SAMSN1: variants seen among roughly 807,000 people sequenced by gnomAD.
SAMSN1 encodes the protein SAM domain-containing protein SAMSN-1.
A neutral mutation model predicts 42.0 loss-of-function variants in SAMSN1; 31 were observed. The observed-to-expected ratio is 0.74, with a 90% confidence interval of 0.55 to 1.00. The LOEUF is 1.00. Ranked by LOEUF, SAMSN1 falls within the 50% of genes least tolerant of loss-of-function variation. The pLI is 0.00. For missense variants in SAMSN1, 464 were observed against 439.4 expected, an observed-to-expected ratio of 1.06 and a Z score of -0.50; for synonymous variants, 178 against 151.9, an observed-to-expected ratio of 1.17 and a Z score of -1.26.
rs376025174 is a variant in SAMSN1, at chr21:14,486,109, G to C, written c.925C>G (p.Gln309Glu). 6.2e-7 allele frequency: 1 copy of C among 1,611,808 alleles called. No homozygotes were observed. The highest frequency in any genetic ancestry group is 8.5e-7 in the Non-Finnish European group (1 of 1,178,504). ...AENFLEEEIIQEQENEPEPLS... is the reference protein window; with the variant it reads ...AENFLEEEIIEEQENEPEPLS... ...GGCTCAGGTTCATTTTCTTGCTCTT[G>C]AATAACTGTAAATGGAAAAAAAGGG... The change falls in exon 8 of 8, where the codon CAA (glutamine) becomes GAA (glutamate). Residue 309 changes from glutamine to glutamate, a missense_variant. Gln to Glu is a conservative substitution (Grantham distance 29). Transcript: ENST00000400566.
At chr21:14,605,146 G>T (rs1982533660) in intron 5 of SAMSN1, among the ~76,000 whole-genome samples, 1 of 152,182 alleles carries the variant, frequency 6.6e-6, no homozygotes, top group Non-Finnish European at 1.5e-5. Flanking sequence ...TCAGCTTTTA[G>T]GTTATTCTAG....
intron 2 of SAMSN1, among the ~76,000 whole-genome samples, chr21:14,624,347 T>C (rs1321335846): frequency 1.3e-5 from 2 of 152,108 alleles, no homozygotes; most frequent in Non-Finnish European, 2.9e-5. Context: ...AGCTGTTTTT[T>C]TGAAAAGATC....
At chr21:14,525,729 T>C (rs889928331) in intron 1 of SAMSN1, among the ~76,000 whole-genome samples, 1 of 152,196 alleles carries the variant, frequency 6.6e-6, no homozygotes, top group Non-Finnish European at 1.5e-5. Flanking sequence ...GGTGGCTATA[T>C]GGGGGTAGAT....
chr21:14,607,899 T>C (rs1302587200), intron 5 of SAMSN1, among the ~76,000 whole-genome samples: 2 of 152,204 alleles, frequency 1.3e-5, no homozygotes, highest in Non-Finnish European at 2.9e-5. Context: ...CATGTGCTTA[T>C]AGAAGGATTA....
chr21:14,588,298 T>C (rs900942307), upstream of SAMSN1, among the ~76,000 whole-genome samples: 2 of 118,182 alleles, frequency 1.7e-5, no homozygotes, highest in African/African-American at 5.6e-5. Flanking sequence ...TATTTCTAGT[T>C]CTAGATCCCT....
chr21:14,542,155 G>A (rs967782368), intron 1 of SAMSN1, among the ~76,000 whole-genome samples: 3 of 152,150 alleles, frequency 2.0e-5, no homozygotes, highest in South Asian at 4.1e-4. Context: ...ACTTACAGAC[G>A]CTCTTACAGA....
rs774206433 is a variant in SAMSN1 at position 14,500,664 on chromosome 21, C to T, written c.633G>A (p.Val211=). The change falls in exon 6 of 8, where the codon GTG becomes GTA. Residue 211 remains valine (V), a synonymous_variant. Transcript: ENST00000400566. ...GMWTGMLNNK[V]GNFKFIYVDV... ...CCACATAAATGAATTTGAAGTTTCC[C>T]ACTTTATTGTTCAACATTCCTGTCC... is the stretch of plus-strand genomic sequence containing the variant. 9.3e-6 allele frequency: 15 copies of T among 1,613,936 alleles called. No homozygotes were observed. The Admixed American group carries it at 2.2e-4, about 23-fold the overall frequency.
intron 1 of SAMSN1, among the ~76,000 whole-genome samples, chr21:14,647,262 T>C (rs1983733343): frequency 6.6e-6 from 1 of 152,082 alleles, no homozygotes; most frequent in Admixed American, 6.6e-5. Context: ...CCATTGCTTG[T>C]TTTTCTCAGG....
chr21:14,649,780 C>CACAT (rs748321866), intron 1 of SAMSN1, among the ~76,000 whole-genome samples: 3,162 of 146,870 alleles, frequency 0.022, 71 homozygotes, highest in African/African-American at 0.057. Context: ...AAAACACACA[C>CACAT]ACACACACAC....
intron 2 of SAMSN1, among the ~76,000 whole-genome samples, chr21:14,569,507 T>A (rs1981224424): frequency 6.6e-6 from 1 of 152,156 alleles, no homozygotes; most frequent in African/African-American, 2.4e-5. Flanking sequence ...CATCTGCTTT[T>A]TTGATAGATT....
chr21:14,516,856 G>C (rs760681516), intron 3 of SAMSN1, 36 bp downstream of exon 3: 1 of 1,548,344 alleles, frequency 6.5e-7, no homozygotes. Context: ...GAAAGTTTTA[G>C]TAGAAAAATA....
intron 4 of SAMSN1, among the ~76,000 whole-genome samples, chr21:14,512,113 T>C (rs1041217585): frequency 6.6e-6 from 1 of 152,120 alleles, no homozygotes; most frequent in Non-Finnish European, 1.5e-5. Flanking sequence ...CATTTTGAAA[T>C]ATGTTGACTC....
intron 3 of SAMSN1, among the ~76,000 whole-genome samples, chr21:14,614,414 T>C (rs1982780980): frequency 6.6e-6 from 1 of 152,128 alleles, no homozygotes. Context: ...AACAAAATGT[T>C]TTGAAACAGA....
At chr21:14,624,878 A>G (rs1043027426) in intron 2 of SAMSN1, among the ~76,000 whole-genome samples, 6 of 152,226 alleles carry the variant, frequency 3.9e-5, no homozygotes, top group Admixed American at 6.5e-5. Flanking sequence ...AAAATCCTCA[A>G]TAAAATAGTG....
chr21:14,516,920 T>A lies in SAMSN1; in HGVS notation c.251A>T (p.Lys84Met), dbSNP rs1282854588. 3 of 1,611,614 alleles carry A rather than the reference T, an allele frequency of 1.9e-6. No homozygotes were observed. In the Admixed American group the frequency reaches 5.0e-5, roughly 27 times the overall value. The change falls in exon 3 of 8, where the codon AAG (lysine) becomes ATG (methionine). Residue 84 changes from lysine to methionine, a missense_variant. Transcript: ENST00000400566. ...TTCCTCAGAAAGGGCTTTGATGTACTTTTTACCCACTTTTTTCTTCATTGT... is the reference window on the plus strand; with the variant it reads ...TTCCTCAGAAAGGGCTTTGATGTACATTTTACCCACTTTTTTCTTCATTGT... ...SWTMKKKVGK[K>M]YIKALSEEKD...
At chr21:14,618,849 A>G (rs1982926877) in intron 2 of SAMSN1, among the ~76,000 whole-genome samples, 2 of 152,312 alleles carry the variant, frequency 1.3e-5, no homozygotes, top group South Asian at 2.1e-4. Flanking sequence ...GTTAGCCTTC[A>G]CTTCAGTATC....
intron 2 of SAMSN1, among the ~76,000 whole-genome samples, chr21:14,620,156 C>A (rs1035857773): frequency 6.6e-6 from 1 of 152,116 alleles, no homozygotes; most frequent in South Asian, 2.1e-4. Flanking sequence ...CCTGCTTCTG[C>A]TGTTTTCTTA....
At chr21:14,492,461 T>C (rs968072575) in intron 7 of SAMSN1, among the ~76,000 whole-genome samples, 3 of 152,198 alleles carry the variant, frequency 2.0e-5, no homozygotes, top group South Asian at 2.1e-4. Context: ...AACCATCCAC[T>C]AATGCAAAGC....
At chr21:14,550,211 C>A (rs1416741659), upstream of SAMSN1, among the ~76,000 whole-genome samples, 1 of 152,058 alleles carries the variant, frequency 6.6e-6, no homozygotes, top group African/African-American at 2.4e-5. Flanking sequence ...GGGACCGTTT[C>A]TTCCTTGTGA....
Sources: gnomAD v4.1 joint callset for allele counts (sites outside exome capture counted in the v4.1 genomes callset) on GRCh38, gnomAD v4.1.1 for gene constraint, MANE v1.5 for transcripts, NCBI Gene and HGNC (gene_info 2026-07-23, HGNC 2026-07-21) for gene names.